Variants in KIAA1549L observed in about 807,000 individuals in gnomAD.
The protein encoded by KIAA1549L is UPF0606 protein KIAA1549L.
In KIAA1549L, 88 loss-of-function variants were observed where a neutral mutation model predicts 160.7. That is an observed-to-expected ratio of 0.55 (90% CI 0.46 to 0.65). KIAA1549L has a LOEUF of 0.65. Ranked by LOEUF, KIAA1549L falls within the 30% of genes least tolerant of loss-of-function variation. KIAA1549L has a pLI of 0.00. For synonymous variants in KIAA1549L, 950 were observed against 976.7 expected (o/e 0.97, Z 0.51); for missense variants, 2,258 against 2,437.5 (o/e 0.93, Z 1.55).
intron 1 of KIAA1549L, among the ~76,000 whole-genome samples, chr11:33,537,957 T>A (rs1317464589): frequency 6.6e-6 from 1 of 152,232 alleles, no homozygotes; most frequent in Non-Finnish European, 1.5e-5. Context: ...ATATGTGTAT[T>A]AGTCCATTTT....
At chr11:33,417,709 A>G (rs967418624) in intron 1 of KIAA1549L, among the ~76,000 whole-genome samples, 2 of 152,000 alleles carry the variant, frequency 1.3e-5, no homozygotes, top group African/African-American at 4.8e-5. Flanking sequence ...ATCCTACTCT[A>G]GGGAGCTCCC....
chr11:33,543,076 C>T lies in KIAA1549L; in HGVS notation c.1513C>T (p.Leu505Phe), dbSNP rs753379765. The T allele has an allele frequency of 6.8e-6, 11 of 1,613,840 alleles. No individual in the cohort carries two copies. The highest frequency in any genetic ancestry group is 6.7e-5 in the African/African-American group (5 of 74,956). ...STGTADFPSI[L>F]TFLQPTENHA... ...TGGGACAGCCGACTTTCCCTCCATA[C>T]TTACTTTCCTCCAGCCCACAGAGAA... The change falls in exon 2 of 21, where the codon CTT becomes TTT. Residue 505 changes from leucine (L) to phenylalanine (F), a missense_variant. Leu to Phe is a conservative substitution (Grantham distance 22). Transcript: ENST00000658780.
chr11:33,413,408 A>G (rs1477765048), intron 1 of KIAA1549L, among the ~76,000 whole-genome samples: 1 of 150,060 alleles, frequency 6.7e-6, no homozygotes, highest in Non-Finnish European at 1.5e-5. Flanking sequence ...ACTGCGCGCC[A>G]GCTGGGGAGA....
rs552465683 is a variant in KIAA1549L, at chr11:33,386,977, C to T, written c.238+10088C>T. 7.9e-5 allele frequency among the ~76,000 whole-genome samples: 12 copies of T among 151,858 alleles called. No individual in the cohort carries two copies. The South Asian group carries it at 2.5e-3, about 32-fold the overall frequency. ...CAAAAATTAGCCAGGTATGGTGGTG[C>T]ACACCTATAGTCCCAGCTACTTGGG... On this transcript the variant is annotated intron_variant, in intron 1 of 20. Coordinates refer to ENST00000658780, the MANE Select transcript of KIAA1549L (RefSeq NM_012194.3).
chr11:33,388,237 A>G (rs12293290), intron 1 of KIAA1549L, among the ~76,000 whole-genome samples: 16,935 of 152,162 alleles, frequency 0.11, 1,554 homozygotes, highest in African/African-American at 0.25. Context: ...AGAAGGGGAA[A>G]CAAACACATT....
intron 1 of KIAA1549L, among the ~76,000 whole-genome samples, chr11:33,408,919 C>T (rs1429420698): frequency 1.4e-4 from 19 of 133,472 alleles, no homozygotes; most frequent in East Asian, 9.4e-4. Context: ...CACTGCACTC[C>T]GGCCTGGGTG....
chr11:33,380,304 C>G (rs952284185), intron 1 of KIAA1549L, among the ~76,000 whole-genome samples: 1 of 152,174 alleles, frequency 6.6e-6, no homozygotes, highest in African/African-American at 2.4e-5. Context: ...CTCTACACTC[C>G]TGTTCCTCCT....
At chr11:33,526,137 G>A (rs994391909) in intron 1 of KIAA1549L, among the ~76,000 whole-genome samples, 1 of 152,108 alleles carries the variant, frequency 6.6e-6, no homozygotes, top group Admixed American at 6.5e-5. Context: ...GGCCAACATA[G>A]GGCAAGCTTA....
At chr11:33,477,735 C>A (rs995297606) in intron 1 of KIAA1549L, among the ~76,000 whole-genome samples, 1 of 152,230 alleles carries the variant, frequency 6.6e-6, no homozygotes, top group Non-Finnish European at 1.5e-5. Context: ...CCCACCCTCA[C>A]TTCCTAGAAC....
chr11:33,631,974 G>C lies in KIAA1549L; in HGVS notation c.5409+13312G>C, dbSNP rs554338480. Among the ~76,000 whole-genome samples, 54 of 152,264 alleles carry C rather than the reference G, an allele frequency of 3.5e-4. No homozygotes were observed. In the South Asian group the frequency reaches 9.9e-3, roughly 28 times the overall value. ...GCTGAGACTTGAAAAAATGGGTCACGTTTCTAGCTCTGAGCCAAATACACA... is the reference window on the plus strand; with the variant it reads ...GCTGAGACTTGAAAAAATGGGTCACCTTTCTAGCTCTGAGCCAAATACACA... On this transcript the variant is annotated intron_variant, in intron 16 of 20. Transcript: ENST00000658780.
rs931862334 is a variant in KIAA1549L at position 33,506,514 on chromosome 11, C to T, written c.239-35288C>T. On this transcript the variant is annotated intron_variant, in intron 1 of 20. Transcript: ENST00000658780. ...GTTGAGGCAGGAGGATTTCTTGAGT[C>T]CAGGAGTTCTAGACCAGCCTGGGCA... Among the ~76,000 whole-genome samples the T allele has an allele frequency of 2.0e-5, 3 of 151,954 alleles. No homozygotes were observed. In the East Asian group the frequency reaches 5.8e-4, roughly 29 times the overall value.
Position 33,671,515 on chromosome 11 carries a change from C to T in KIAA1549L, c.*3361C>T, listed in dbSNP as rs1852672876. 2.7e-5 allele frequency: 4 copies of T among 147,242 alleles called. 1 individual carries two copies. In the South Asian group the frequency reaches 8.7e-4, roughly 32 times the overall value. 9.1% of individuals were successfully genotyped at this position (147,242 alleles called of 1,614,324 possible). ...GTGAGTTTGTTAATTTAAGAACTCA[C>T]TCAGCAGAAGGACATGTAATGTCTG... On this transcript the variant is annotated 3_prime_UTR_variant, in exon 21 of 21. Coordinates refer to ENST00000658780, the MANE Select transcript of KIAA1549L (RefSeq NM_012194.3).
At chr11:33,598,190 TTGTGTGTGTGTGTGTGTGTGTGTG>T (rs57343190) in intron 12 of KIAA1549L, among the ~76,000 whole-genome samples, 3 of 135,104 alleles carry the variant, frequency 2.2e-5, no homozygotes, top group East Asian at 2.3e-4. Flanking sequence ...GAGAGAATGT[TTGTGTGTGTGTGTGTGTGTGTGTG>T]TGTGTGTGTG....
At chr11:33,389,669 C>T (rs1850236130) in intron 1 of KIAA1549L, among the ~76,000 whole-genome samples, 1 of 152,184 alleles carries the variant, frequency 6.6e-6, no homozygotes, top group African/African-American at 2.4e-5. Context: ...CAGCAATAAA[C>T]ACATTTTAAA....
chr11:33,622,284 T>A (rs1220747457), intron 16 of KIAA1549L, among the ~76,000 whole-genome samples: 1 of 152,144 alleles, frequency 6.6e-6, no homozygotes, highest in Non-Finnish European at 1.5e-5. Flanking sequence ...AAAAAATGAC[T>A]ATTAGGAATT....
intron 1 of KIAA1549L, among the ~76,000 whole-genome samples, chr11:33,437,347 A>C (rs1851401711): frequency 1.3e-5 from 2 of 152,190 alleles, no homozygotes; most frequent in Non-Finnish European, 2.9e-5. Flanking sequence ...AAAATGAGTT[A>C]TGAGAAGATG....
At chr11:33,403,538 GCACA>G in intron 1 of KIAA1549L, 2 of 140,428 alleles carry the variant, frequency 1.4e-5, no homozygotes, top group South Asian at 4.8e-4. Flanking sequence ...ACACACACAC[GCACA>G]GACACACAGA....
chr11:33,479,061 G>GAT (rs1323717676), intron 1 of KIAA1549L, among the ~76,000 whole-genome samples: 1 of 150,626 alleles, frequency 6.6e-6, no homozygotes, highest in African/African-American at 2.5e-5. Context: ...ACATATATGG[G>GAT]ATATATACAG....
intron 1 of KIAA1549L, among the ~76,000 whole-genome samples, chr11:33,499,901 G>A (rs1208791205): frequency 1.3e-5 from 2 of 152,178 alleles, no homozygotes; most frequent in East Asian, 1.9e-4. Flanking sequence ...GGCTTTTGAT[G>A]TATCTGATTT....
Sources: allele counts gnomAD v4.1 joint callset (sites outside exome capture counted in the v4.1 genomes callset), GRCh38; gene constraint gnomAD v4.1.1; transcripts MANE v1.5; gene names NCBI Gene and HGNC (gene_info 2026-07-23, HGNC 2026-07-21).